ZBTB16: variants seen among roughly 807,000 people sequenced by gnomAD.
ZBTB16 encodes zinc finger and BTB domain containing 16, also known as zinc finger and BTB domain-containing protein 16.
In ZBTB16, 8 loss-of-function variants were observed where a neutral mutation model predicts 56.8. That is an observed-to-expected ratio of 0.14 (90% confidence interval 0.08 to 0.25). The LOEUF (loss-of-function observed/expected upper bound fraction) is 0.25, where lower values mean the gene tolerates loss of function less well. Among genes scored for constraint, ZBTB16 ranks in the 10% least tolerant of loss-of-function variants. ZBTB16 has a pLI of 1.00. For missense variants in ZBTB16, 625 were observed against 903.0 expected, an observed-to-expected ratio of 0.69 and a Z score of 3.95; for synonymous variants, 363 against 368.5, an observed-to-expected ratio of 0.98 and a Z score of 0.17.
chr11:114,246,480 G>A (rs1944819939), intron 5 of ZBTB16, among the ~76,000 whole-genome samples: 1 of 151,502 alleles, frequency 6.6e-6, no homozygotes, highest in Non-Finnish European at 1.5e-5. Flanking sequence ...ACACATCTGA[G>A]TGCTCAGGAA....
chr11:114,077,582 G>A (rs1423674664), intron 2 of ZBTB16, among the ~76,000 whole-genome samples: 2 of 152,126 alleles, frequency 1.3e-5, no homozygotes, highest in Non-Finnish European at 2.9e-5. Flanking sequence ...GTTCCAGTGG[G>A]TCCGAAATCT....
At chr11:114,182,541 C>T (rs760177336) in intron 3 of ZBTB16, among the ~76,000 whole-genome samples, 3 of 152,072 alleles carry the variant, frequency 2.0e-5, no homozygotes, top group Admixed American at 6.6e-5. Flanking sequence ...AACCAGCCCC[C>T]GTGTGTAGGA....
chr11:114,095,611 A>G (rs1279309737), intron 2 of ZBTB16, among the ~76,000 whole-genome samples: 2 of 152,172 alleles, frequency 1.3e-5, no homozygotes, highest in African/African-American at 4.8e-5. Flanking sequence ...ACATGCAAAC[A>G]AGGCAGAATT....
At chr11:114,062,002 C>T (rs1938890452) in intron 1 of ZBTB16, among the ~76,000 whole-genome samples, 1 of 152,124 alleles carries the variant, frequency 6.6e-6, no homozygotes, top group African/African-American at 2.4e-5. Flanking sequence ...CTTAATGACC[C>T]ATCCTTCTTC....
intron 4 of ZBTB16, among the ~76,000 whole-genome samples, chr11:114,195,277 C>T (rs1409412926): frequency 6.6e-6 from 1 of 152,110 alleles, no homozygotes; most frequent in Admixed American, 6.5e-5. Flanking sequence ...GCAAAGAGGC[C>T]ATGAGGGTGA....
intron 3 of ZBTB16, among the ~76,000 whole-genome samples, chr11:114,175,435 A>AC (rs1405845440): frequency 6.6e-6 from 1 of 150,904 alleles, no homozygotes; most frequent in Non-Finnish European, 1.5e-5. Flanking sequence ...CTCTAAGATT[A>AC]CCCCCCATTT....
In ZBTB16 at chr11:114,095,255, T is replaced by C. The variant is rs112389296; in HGVS notation, c.1268+30687T>C. ...CTTTTCTTTTCTTTTCTTTTTTTTT[T>C]TTTTTTTTTTTTTTTTGTGATGGAG... On this transcript the variant is annotated intron_variant, in intron 2 of 6. Transcript: ENST00000335953. 1.3e-3 allele frequency among the ~76,000 whole-genome samples: 110 copies of C among 83,660 alleles called. 1 individual carries two copies. Among genetic ancestry groups the C allele is most frequent in the East Asian group, 2.6e-3 (11 of 4,180 alleles). The allele number at this position is 83,660 out of a possible 152,430, so 54.9% of individuals were successfully genotyped here. A position where few individuals can be genotyped will look rare whatever the true frequency, so the allele number is the denominator to read the frequency against.
Position 114,173,818 on chromosome 11 carries a change from C to T in ZBTB16, c.1367-13134C>T, listed in dbSNP as rs114752993. 3.4e-3 allele frequency among the ~76,000 whole-genome samples: 512 copies of T among 152,274 alleles called. 3 individuals carry two copies. The highest frequency in any genetic ancestry group is 0.012 in the African/African-American group (492 of 41,548). ...AAACCTTGTCTATATCGGCCTTTGT[C>T]GTTTGCTATCATTCATCAATGTGAG... On this transcript the variant is annotated intron_variant, in intron 3 of 6. Coordinates refer to ENST00000335953, the MANE Select transcript of ZBTB16 (RefSeq NM_006006.6).
rs374633675 is a variant in ZBTB16 at position 114,133,271 on chromosome 11, G to A, written c.1269-23066G>A. On this transcript the variant is annotated intron_variant, in intron 2 of 6. Transcript: ENST00000335953. ...TCCTAGTGAATGCCCTAAACCAGAG[G>A]CGTTGGCTCCTCCCCAGCCCTGCCC... Among the ~76,000 whole-genome samples, 118 of 152,168 alleles carry A rather than the reference G, an allele frequency of 7.8e-4. 2 individuals are homozygous for A. The South Asian group carries it at 0.024, about 31-fold the overall frequency.
Position 114,247,794 on chromosome 11 carries a change from G to A in ZBTB16, c.1792+429G>A, listed in dbSNP as rs540359412. 9.6e-4 allele frequency among the ~76,000 whole-genome samples: 146 copies of A among 152,330 alleles called. 1 individual carries two copies. The Middle Eastern group carries it at 0.01, about 11-fold the overall frequency. On this transcript the variant is annotated intron_variant, in intron 6 of 6. Transcript: ENST00000335953. Reference sequence around the variant, plus strand: ...TACATTGAATTAGGTTGTTATGAAGGTTGGGAAGTTGTAAAGTTAGATTGT... The same window carrying A: ...TACATTGAATTAGGTTGTTATGAAGATTGGGAAGTTGTAAAGTTAGATTGT...
At chr11:114,135,077 T>C (rs1004359850) in intron 2 of ZBTB16, among the ~76,000 whole-genome samples, 4 of 152,206 alleles carry the variant, frequency 2.6e-5, no homozygotes, top group African/African-American at 9.6e-5. Flanking sequence ...CACAGCTGTA[T>C]ACCCATGTGT....
chr11:114,204,012 C>G (rs1039150342), intron 4 of ZBTB16, among the ~76,000 whole-genome samples: 1 of 152,196 alleles, frequency 6.6e-6, no homozygotes, highest in Non-Finnish European at 1.5e-5. Context: ...TGGGAGGAGT[C>G]ACTCTTGTCA....
chr11:114,226,145 T>C (rs1034929548), intron 4 of ZBTB16, among the ~76,000 whole-genome samples: 22 of 152,108 alleles, frequency 1.4e-4, no homozygotes, highest in African/African-American at 4.6e-4. Flanking sequence ...CTATACAGAA[T>C]TGGGACTCAA....
chr11:114,134,331 G>C (rs996198954), intron 2 of ZBTB16, among the ~76,000 whole-genome samples: 2 of 152,090 alleles, frequency 1.3e-5, no homozygotes, highest in Non-Finnish European at 2.9e-5. Context: ...TCACATGACA[G>C]CTTCGTACTG....
chr11:114,063,914 G>A lies in ZBTB16; in HGVS notation c.614G>A (p.Ser205Asn). Residue 205 changes from serine to asparagine, a missense_variant, in exon 2 of 7, where the codon AGT becomes AAT. This residue lies in a region of ZBTB16 where 384 missense variants were observed against 393.5 expected (regional missense o/e 0.98). Transcript: ENST00000335953. This position sits in a 1 kb window ranked among gnomAD's most constrained non-coding sequence, Gnocchi z 6.5. ...AMSPTKAAVD[S>N]LMTIGQSLLQ... is the part of the protein sequence containing the mutation. The stretch of plus-strand genomic sequence containing the variant: ...AGTCCCACCAAGGCTGCAGTGGACA[G>A]TTTGATGACCATAGGACAGTCTCTC... The A allele has an allele frequency of 6.2e-7, 1 of 1,613,978 alleles. No homozygotes were observed. Among genetic ancestry groups the A allele is most frequent in the Non-Finnish European group, 8.5e-7 (1 of 1,180,036 alleles).
intron 4 of ZBTB16, 88 bp downstream of exon 4, chr11:114,187,126 A>G (rs766084053): frequency 7.8e-7 from 1 of 1,278,172 alleles, no homozygotes. Flanking sequence ...ACCTCTTTTT[A>G]GCAAATGTGA....
intron 2 of ZBTB16, among the ~76,000 whole-genome samples, chr11:114,104,202 C>T (rs957538306): frequency 2.0e-5 from 3 of 152,176 alleles, no homozygotes; most frequent in Non-Finnish European, 2.9e-5. Context: ...AAACTGGGAC[C>T]TAACCATGTT....
intron 2 of ZBTB16, among the ~76,000 whole-genome samples, chr11:114,098,855 G>C (rs1940508717): frequency 6.6e-6 from 1 of 152,052 alleles, no homozygotes; most frequent in South Asian, 2.1e-4. Context: ...AAATGGGGGA[G>C]GGGTCTTTTC....
chr11:114,191,980 A>G (rs762328305), intron 4 of ZBTB16, among the ~76,000 whole-genome samples: 8 of 152,304 alleles, frequency 5.3e-5, no homozygotes, highest in Non-Finnish European at 1.0e-4. Context: ...TCATGTAACA[A>G]ACCACTCCAA....
Sources: allele counts gnomAD v4.1 joint callset (sites outside exome capture counted in the v4.1 genomes callset), GRCh38; gene constraint gnomAD v4.1.1; regional missense constraint gnomAD v4.1.1; non-coding constraint Gnocchi (gnomAD v3.1); transcripts MANE v1.5; gene names NCBI Gene and HGNC (gene_info 2026-07-23, HGNC 2026-07-21).